ADGRA3: variants seen among roughly 807,000 people sequenced by gnomAD.
ADGRA3 encodes G-protein coupled receptor 125.
ADGRA3 carries 56 observed loss-of-function variants against 119.8 expected under a neutral mutation model. That is an observed-to-expected ratio of 0.47 (90% CI 0.38 to 0.58). The LOEUF is 0.58. Ranked by LOEUF, ADGRA3 falls within the 20% of genes least tolerant of loss-of-function variation. The probability of loss-of-function intolerance (pLI) is 0.00; values close to 1 mark genes in which losing one functional copy is unlikely to be tolerated. For missense variants in ADGRA3, 1,516 were observed against 1,649.0 expected (o/e 0.92, Z 1.40); for synonymous variants, 607 against 623.8 (o/e 0.97, Z 0.40).
chr4:22,458,547 C>A (rs1717323418), intron 3 of ADGRA3, among the ~76,000 whole-genome samples: 1 of 152,216 alleles, frequency 6.6e-6, no homozygotes, highest in Admixed American at 6.5e-5. Context: ...CTGTGTGTCT[C>A]CAGACCCTTG....
At position 22,387,414 on chromosome 4, in the gene ADGRA3, A is replaced by G; in HGVS notation, c.*291T>C. The G allele has an allele frequency of 3.3e-6, 1 of 299,538 alleles. No individual in the cohort carries two copies. Among genetic ancestry groups the G allele is most frequent in the Admixed American group, 4.5e-5 (1 of 22,254 alleles). The allele number at this position is 299,538 out of a possible 1,614,324, so 18.6% of individuals were successfully genotyped here. On this transcript the variant is annotated 3_prime_UTR_variant, in exon 19 of 19. Coordinates refer to ENST00000334304, the MANE Select transcript of ADGRA3 (RefSeq NM_145290.4). ...ACACCTATTTATTATATTAAATACA[A>G]GCCTGAAATATTAAGTACAAATTAC...
intron 12 of ADGRA3, among the ~76,000 whole-genome samples, chr4:22,419,632 C>G (rs868524832): frequency 6.6e-6 from 1 of 152,130 alleles, no homozygotes; most frequent in Non-Finnish European, 1.5e-5. Context: ...TAATCCCTTT[C>G]TACCAACTGT....
chr4:22,464,760 C>T (rs2109106770), intron 2 of ADGRA3, among the ~76,000 whole-genome samples: 1 of 152,244 alleles, frequency 6.6e-6, no homozygotes, highest in South Asian at 2.1e-4. Context: ...ACAGGATATC[C>T]CAGGGGGCTG....
At chr4:22,438,530 G>A in intron 7 of ADGRA3, 110 bp from the exon 8 acceptor site, 13 of 760,972 alleles carry the variant, frequency 1.7e-5, no homozygotes, top group Non-Finnish European at 2.7e-5. Context: ...CATATTGTGG[G>A]GTAAGCACTT....
At chr4:22,478,174 T>C (rs1718120408) in intron 1 of ADGRA3, 1 of 152,188 alleles carries the variant, frequency 6.6e-6, no homozygotes, top group South Asian at 2.1e-4. Flanking sequence ...AAGGAAGTCC[T>C]TGATGTCTAC....
chr4:22,432,307 A>G (rs776923872), intron 10 of ADGRA3, among the ~76,000 whole-genome samples: 1 of 152,250 alleles, frequency 6.6e-6, no homozygotes, highest in South Asian at 2.1e-4. Flanking sequence ...GGGAGGGGGA[A>G]CTCAGGCAGC....
In ADGRA3 at chr4:22,429,074, A is replaced by C. The variant is rs1204093256; in HGVS notation, c.1444-4722T>G. Among the ~76,000 whole-genome samples the C allele has an allele frequency of 1.3e-5, 2 of 152,188 alleles. 1 individual carries two copies. Among genetic ancestry groups the C allele is most frequent in the Non-Finnish European group, 2.9e-5 (2 of 68,040 alleles). On this transcript the variant is annotated intron_variant, in intron 10 of 18. Coordinates refer to ENST00000334304, the MANE Select transcript of ADGRA3 (RefSeq NM_145290.4). ...CAGGAGAGATGATGTGTCTACCATC[A>C]GGTCTCATGCTTGATCCTCATAAAG...
At position 22,455,049 on chromosome 4, in the gene ADGRA3, G is replaced by A. The variant is rs1261613850; in HGVS notation, c.402-112C>T. On this transcript the variant is annotated intron_variant, in intron 3 of 18. Coordinates refer to ENST00000334304, the MANE Select transcript of ADGRA3 (RefSeq NM_145290.4). ...GGTATCGCACAAGACCTTTATTCTA[G>A]CAACTTTGAGATATTTACTGTACGC... is the stretch of plus-strand genomic sequence containing the variant. 1.5e-5 allele frequency: 11 copies of A among 717,598 alleles called. No homozygotes were observed. In the Admixed American group the frequency reaches 2.2e-4, roughly 14 times the overall value. 44.5% of individuals were successfully genotyped at this position (717,598 alleles called of 1,614,324 possible). A position where few individuals can be genotyped will look rare whatever the true frequency, so the allele number is the denominator to read the frequency against.
intron 1 of ADGRA3, among the ~76,000 whole-genome samples, chr4:22,510,631 C>T (rs767692122): frequency 6.6e-6 from 1 of 152,162 alleles, no homozygotes; most frequent in Admixed American, 6.5e-5. Context: ...ACTATTCGTC[C>T]GATACCGTCT....
intron 3 of ADGRA3, among the ~76,000 whole-genome samples, chr4:22,460,243 C>T (rs532283507): frequency 9.4e-4 from 143 of 152,292 alleles, no homozygotes; most frequent in African/African-American, 3.3e-3. Context: ...GACGTATTTT[C>T]ACTAACGACT....
intron 1 of ADGRA3, among the ~76,000 whole-genome samples, chr4:22,511,821 C>A (rs917258253): frequency 6.6e-6 from 1 of 152,046 alleles, no homozygotes; most frequent in Admixed American, 6.6e-5. Context: ...CACCTGGGGT[C>A]CCCCACTTCC....
At chr4:22,412,778 T>C (rs757583267) in intron 14 of ADGRA3, among the ~76,000 whole-genome samples, 3 of 152,144 alleles carry the variant, frequency 2.0e-5, no homozygotes, top group Admixed American at 6.5e-5. Flanking sequence ...AATTACGACA[T>C]GTAGTGGGAA....
At position 22,391,077 on chromosome 4, in the gene ADGRA3, C is replaced by T. The variant is rs185873165; in HGVS notation, c.2627+1468G>A. 3.2e-4 allele frequency among the ~76,000 whole-genome samples: 49 copies of T among 152,210 alleles called. No individual in the cohort carries two copies. The East Asian group carries it at 4.9e-3, about 15-fold the overall frequency. On this transcript the variant is annotated intron_variant, in intron 17 of 18. Transcript: ENST00000334304. ...GCCAAAAATCCAGTGACTTTTTCCA[C>T]GGCCCATCTATTAAACATTAATAAG...
chr4:22,481,222 G>A (rs1332839569), intron 1 of ADGRA3, among the ~76,000 whole-genome samples: 1 of 152,178 alleles, frequency 6.6e-6, no homozygotes, highest in Non-Finnish European at 1.5e-5. Context: ...TGGGCCAGGT[G>A]AGTCACTAAC....
At chr4:22,469,332 G>A (rs1258694259) in intron 2 of ADGRA3, among the ~76,000 whole-genome samples, 1 of 152,188 alleles carries the variant, frequency 6.6e-6, no homozygotes, top group Non-Finnish European at 1.5e-5. Flanking sequence ...AGACTGTTAA[G>A]TTACATGAGG....
intron 1 of ADGRA3, among the ~76,000 whole-genome samples, chr4:22,505,565 T>C (rs764917546): frequency 9.3e-5 from 14 of 151,134 alleles, no homozygotes; most frequent in Non-Finnish European, 1.6e-4. Context: ...GAGAACGGTT[T>C]GAGCCCGGGA....
intron 5 of ADGRA3, among the ~76,000 whole-genome samples, chr4:22,446,945 G>A (rs1477940365): frequency 6.6e-6 from 1 of 151,934 alleles, no homozygotes; most frequent in Non-Finnish European, 1.5e-5. Flanking sequence ...ACAAGAAACT[G>A]TAAATCAGAA....
At chr4:22,429,706 C>G (rs1327482655) in intron 10 of ADGRA3, among the ~76,000 whole-genome samples, 1 of 152,080 alleles carries the variant, frequency 6.6e-6, no homozygotes. Flanking sequence ...TCAAACAGGT[C>G]CTTTATACTA....
intron 4 of ADGRA3, among the ~76,000 whole-genome samples, chr4:22,453,274 T>C (rs1717125881): frequency 6.7e-6 from 1 of 149,272 alleles, no homozygotes; most frequent in Non-Finnish European, 1.5e-5. Flanking sequence ...AGCACTGAGA[T>C]AGAAATGTTT....
Sources: gnomAD v4.1 joint callset for allele counts (sites outside exome capture counted in the v4.1 genomes callset) on GRCh38, gnomAD v4.1.1 for gene constraint, MANE v1.5 for transcripts, NCBI Gene and HGNC (gene_info 2026-07-23, HGNC 2026-07-21) for gene names.